Variants in SLC44A1 observed in about 807,000 individuals in gnomAD.
The protein encoded by SLC44A1 is solute carrier family 44 member 1.
Under a neutral mutation model 79.3 loss-of-function variants are expected in SLC44A1, and 26 were observed. That is an observed-to-expected ratio of 0.33 (90% CI 0.24 to 0.46). The LOEUF (loss-of-function observed/expected upper bound fraction) is 0.46. Among genes scored for constraint, SLC44A1 ranks in the 20% least tolerant of loss-of-function variants. SLC44A1 has a pLI of 1.00. For synonymous variants in SLC44A1, 263 were observed against 286.2 expected (o/e 0.92, Z 0.82); for missense variants, 688 against 798.1 (o/e 0.86, Z 1.66).
intron 6 of SLC44A1, among the ~76,000 whole-genome samples, chr9:105,356,617 A>G (rs74845882): frequency 0.013 from 2,031 of 152,196 alleles, 28 homozygotes; most frequent in Middle Eastern, 0.044. Flanking sequence ...TGTTTTCCCA[A>G]ACGTTGTTTA....
At chr9:105,433,647 A>G (rs12335407) in intron 15 of SLC44A1, among the ~76,000 whole-genome samples, 19,600 of 83,166 alleles carry the variant, frequency 0.24, 3,570 homozygotes, top group African/African-American at 0.52. Context: ...TCACCCCTCC[A>G]CTGCCCAACC....
intron 15 of SLC44A1, among the ~76,000 whole-genome samples, chr9:105,406,434 T>G (rs1455232993): frequency 6.6e-6 from 1 of 152,132 alleles, no homozygotes; most frequent in East Asian, 1.9e-4. Context: ...GTACAGCCTA[T>G]TAACAGTAGA....
At chr9:105,247,855 G>A (rs1286289331) in intron 1 of SLC44A1, among the ~76,000 whole-genome samples, 3 of 152,106 alleles carry the variant, frequency 2.0e-5, no homozygotes, top group African/African-American at 7.2e-5. Flanking sequence ...AAATTCTATG[G>A]GCTGGTTGAT....
At chr9:105,299,335 A>G in intron 2 of SLC44A1, 26 bp downstream of exon 2, 2 of 1,479,760 alleles carry the variant, frequency 1.4e-6, no homozygotes, top group Non-Finnish European at 1.8e-6. Flanking sequence ...CAGATGGTCC[A>G]AACTGGACTC....
At chr9:105,345,000 G>A (rs1182382023) in intron 4 of SLC44A1, among the ~76,000 whole-genome samples, 5 of 152,148 alleles carry the variant, frequency 3.3e-5, no homozygotes, top group Non-Finnish European at 7.3e-5. Flanking sequence ...TTGTTAAACA[G>A]CAAGCATTGA....
In SLC44A1 at chr9:105,404,664, G is replaced by A. The variant is rs991372665; in HGVS notation, c.1950+19162G>A. On this transcript the variant is annotated intron_variant, in intron 15 of 15. Transcript: ENST00000374724. ...AACTTAGGGGATAGGAATATGCTTC[G>A]AAAGCAGTTAAATACAACAGAGTTG... 3.9e-5 allele frequency among the ~76,000 whole-genome samples: 6 copies of A among 152,184 alleles called. 1 individual carries two copies. The highest frequency in any genetic ancestry group is 4.1e-4 in the South Asian group (2 of 4,828).
In SLC44A1 at chr9:105,365,757, A is replaced by G. The variant is rs1037690093; in HGVS notation, c.1410+118A>G. Reference sequence around the variant, plus strand: ...GTTGTGTTTTCTTCAAAGTCTTTACAAGGCAAAATCCAGCCCTTCTCCCTT... The same window carrying G: ...GTTGTGTTTTCTTCAAAGTCTTTACGAGGCAAAATCCAGCCCTTCTCCCTT... On this transcript the variant is annotated intron_variant, in intron 11 of 15. Coordinates refer to ENST00000374720, the MANE Select transcript of SLC44A1 (RefSeq NM_080546.5). 1.2e-5 allele frequency: 13 copies of G among 1,075,892 alleles called. No homozygotes were observed. The African/African-American group carries it at 2.0e-4, about 17-fold the overall frequency. 66.6% of individuals were successfully genotyped at this position (1,075,892 alleles called of 1,614,324 possible). A position where few individuals can be genotyped will look rare whatever the true frequency, so the allele number is the denominator to read the frequency against.
At chr9:105,339,731 G>C (rs573710006) in intron 4 of SLC44A1, among the ~76,000 whole-genome samples, 1 of 152,230 alleles carries the variant, frequency 6.6e-6, no homozygotes, top group South Asian at 2.1e-4. Flanking sequence ...GGAGGCTGGG[G>C]CAGGAGGATC....
chr9:105,303,201 C>T (rs1588755632), intron 2 of SLC44A1, among the ~76,000 whole-genome samples: 1 of 151,774 alleles, frequency 6.6e-6, no homozygotes, highest in Non-Finnish European at 1.5e-5. Flanking sequence ...TAGTAGATAC[C>T]TGATTATGCC....
intron 1 of SLC44A1, among the ~76,000 whole-genome samples, chr9:105,272,829 A>G (rs980369434): frequency 6.6e-6 from 1 of 152,158 alleles, no homozygotes. Flanking sequence ...GCTAAGGGAT[A>G]TAAGCAAATT....
chr9:105,334,981 CTTTAT>C (rs1194579183), intron 3 of SLC44A1, among the ~76,000 whole-genome samples: 5 of 152,146 alleles, frequency 3.3e-5, no homozygotes, highest in Non-Finnish European at 7.4e-5. Flanking sequence ...TTAAAAATCA[CTTTAT>C]TTTAACACCC....
chr9:105,409,024 A>T (rs955107941), intron 15 of SLC44A1, among the ~76,000 whole-genome samples: 17 of 152,240 alleles, frequency 1.1e-4, no homozygotes, highest in African/African-American at 3.9e-4. Flanking sequence ...TCAATTAAAC[A>T]TAAGAGAAGA....
rs147169944 is a variant in SLC44A1 at position 105,282,838 on chromosome 9, G to C, written c.37-16382G>C. ...TGGGATTACAGGCGTGAGCCACTGC[G>C]CCTGGCACGTCTTGATTTTTTAATA... On this transcript the variant is annotated intron_variant, in intron 1 of 15. Transcript: ENST00000374720. Among the ~76,000 whole-genome samples the C allele has an allele frequency of 4.6e-5, 7 of 152,276 alleles. No individual in the cohort carries two copies. The East Asian group carries it at 1.2e-3, about 25-fold the overall frequency.
chr9:105,359,115 A>T (rs1046904408), intron 7 of SLC44A1, among the ~76,000 whole-genome samples: 2 of 152,162 alleles, frequency 1.3e-5, no homozygotes, highest in Non-Finnish European at 2.9e-5. Flanking sequence ...TATCTTTTTA[A>T]AACTCTTGTT....
In SLC44A1 at chr9:105,305,251, T is replaced by A. The variant is rs1003592791; in HGVS notation, c.127-4473T>A. On this transcript the variant is annotated intron_variant, in intron 2 of 15. Transcript: ENST00000374720. ...TCCCAAAGTGCTGGAATTACAGGGA[T>A]GAACCACTGCTCCTGGCCTCATTCT... 2.0e-5 allele frequency among the ~76,000 whole-genome samples: 3 copies of A among 152,068 alleles called. No homozygotes were observed. In the East Asian group the frequency reaches 5.8e-4, roughly 29 times the overall value.
intron 1 of SLC44A1, among the ~76,000 whole-genome samples, chr9:105,258,868 T>G (rs1829774522): frequency 1.3e-5 from 2 of 151,708 alleles, no homozygotes; most frequent in South Asian, 2.1e-4. Context: ...TTGTTTTTGT[T>G]TTTGTTTTTT....
intron 15 of SLC44A1, among the ~76,000 whole-genome samples, chr9:105,411,308 G>C (rs112665108): frequency 1.5e-3 from 233 of 151,916 alleles, no homozygotes; most frequent in African/African-American, 5.3e-3. Flanking sequence ...TAATGCATTT[G>C]CTTTTTCTCC....
At chr9:105,284,903 A>C (rs1363526783) in intron 1 of SLC44A1, among the ~76,000 whole-genome samples, 2 of 152,252 alleles carry the variant, frequency 1.3e-5, no homozygotes, top group African/African-American at 4.8e-5. Flanking sequence ...ACCTCAAAAG[A>C]AACCCCATAC....
At chr9:105,380,918 A>C (rs1828442760) in intron 13 of SLC44A1, among the ~76,000 whole-genome samples, 1 of 152,184 alleles carries the variant, frequency 6.6e-6, no homozygotes, top group Non-Finnish European at 1.5e-5. Context: ...AGAACCATTA[A>C]TGTATCTGTT....
Sources: allele counts gnomAD v4.1 joint callset (sites outside exome capture counted in the v4.1 genomes callset), GRCh38; gene constraint gnomAD v4.1.1; transcripts MANE v1.5; gene names NCBI Gene and HGNC (gene_info 2026-07-23, HGNC 2026-07-21).